BTN2A1: variants seen among roughly 807,000 people sequenced by gnomAD.
The protein encoded by BTN2A1 is butyrophilin, subfamily 2, member A1.
Under a neutral mutation model 34.5 loss-of-function variants are expected in BTN2A1, and 41 were observed. That is an observed-to-expected ratio of 1.19 (90% CI 0.93 to 1.54). The LOEUF is 1.54. Among genes scored for constraint, BTN2A1 ranks in the 40% most tolerant of loss-of-function variants. BTN2A1 has a pLI of 0.00. For missense variants in BTN2A1, 642 were observed against 662.0 expected, an observed-to-expected ratio of 0.97 and a Z score of 0.33; for synonymous variants, 267 against 258.6, an observed-to-expected ratio of 1.03 and a Z score of -0.31.
At chr6:26,475,399 AG>A (rs1396951395) in intron 7 of BTN2A1, among the ~76,000 whole-genome samples, 1 of 152,154 alleles carries the variant, frequency 6.6e-6, no homozygotes, top group African/African-American at 2.4e-5. Flanking sequence ...TTAACAGCAA[AG>A]GCTGAATTAT....
chr6:26,462,767 A>C (rs1763199404), intron 3 of BTN2A1: 1 of 1,272,466 alleles, frequency 7.9e-7, no homozygotes, highest in Non-Finnish European at 1.0e-6. Context: ...CCCGCCTGGC[A>C]GACTTTCGTC....
At chr6:26,476,465 C>T (rs1422241091) in exon 8 of BTN2A1, 2 of 594,418 alleles carry the variant, frequency 3.4e-6, no homozygotes, top group Non-Finnish European at 6.4e-6. Flanking sequence ...ATAGGTCTCT[C>T]TCTCTGGCCT....
chr6:26,463,022 T>A (rs748099549), intron 3 of BTN2A1: 18 of 938,196 alleles, frequency 1.9e-5, no homozygotes, highest in South Asian at 1.1e-4. Context: ...TCCTTTCCTC[T>A]TAGAGAGCTC....
At chr6:26,460,180 G>A (rs1311802229) in intron 3 of BTN2A1, among the ~76,000 whole-genome samples, 4 of 151,700 alleles carry the variant, frequency 2.6e-5, no homozygotes, top group African/African-American at 9.7e-5. Flanking sequence ...ACAGAGTCTT[G>A]CTCTGTTGTA....
intron 3 of BTN2A1, among the ~76,000 whole-genome samples, chr6:26,460,452 A>G (rs935248313): frequency 2.0e-5 from 3 of 152,228 alleles, no homozygotes; most frequent in Admixed American, 1.3e-4. Flanking sequence ...GCAAAATTAT[A>G]TATAGTTCCT....
chr6:26,470,699 T>A (rs1763434550), downstream of BTN2A1, among the ~76,000 whole-genome samples: 4 of 152,230 alleles, frequency 2.6e-5, no homozygotes, highest in Middle Eastern at 3.4e-3. Context: ...TCTGGAACAC[T>A]CTTCTCTTGC....
intron 4 of BTN2A1, 151 bp downstream of exon 4, chr6:26,463,676 T>C: frequency 1.1e-6 from 1 of 945,424 alleles, no homozygotes; most frequent in Non-Finnish European, 1.6e-6. Context: ...GCCTTTCCGC[T>C]TCTCACAAAA....
chr6:26,465,220 G>GC lies in BTN2A1; in HGVS notation c.751dup (p.Leu251ProfsTer36), dbSNP rs748711182. The GC allele has an allele frequency of 3.7e-6, 6 of 1,614,132 alleles. No homozygotes were observed. The Admixed American group carries it at 1.0e-4, about 27-fold the overall frequency. The stretch of plus-strand genomic sequence containing the variant: ...GCCCAGTGTGTCTCCCTGTGCAGTG[G>GC]CCCTGCCTATCATTGTGGTTATTCT... On this transcript the variant is annotated frameshift_variant, in exon 5 of 8. Transcript: ENST00000312541. LOFTEE classifies it high-confidence loss of function.
intron 7 of BTN2A1, among the ~76,000 whole-genome samples, chr6:26,466,698 T>C (rs1274883521): frequency 6.6e-6 from 1 of 152,192 alleles, no homozygotes; most frequent in East Asian, 1.9e-4. Flanking sequence ...CCTCTGCCCA[T>C]AAGCACCACA....
chr6:26,472,695 T>G (rs1212835928), downstream of BTN2A1, among the ~76,000 whole-genome samples: 3 of 152,098 alleles, frequency 2.0e-5, no homozygotes, highest in Non-Finnish European at 2.9e-5. Flanking sequence ...GTGTTATAGC[T>G]TATACCCACG....
chr6:26,468,069 A>AT lies in BTN2A1; in HGVS notation c.1106dup (p.Asp370ArgfsTer28). The AT allele has an allele frequency of 6.2e-7, 1 of 1,614,154 alleles. No individual in the cohort carries two copies. Among genetic ancestry groups the AT allele is most frequent in the Non-Finnish European group, 8.5e-7 (1 of 1,180,016 alleles). On this transcript the variant is annotated frameshift_variant, in exon 8 of 8. Transcript: ENST00000312541. LOFTEE classifies it low-confidence loss of function (END_TRUNC). Reference sequence around the variant, plus strand: ...AGAGCGTGCCTGACAACCCAGAGAGATTCGACAGTCAGCCTTGTGTCCTAG... The same window carrying AT: ...AGAGCGTGCCTGACAACCCAGAGAGATTTCGACAGTCAGCCTTGTGTCCTAG...
intron 2 of BTN2A1, among the ~76,000 whole-genome samples, chr6:26,459,085 C>T (rs1244856904): frequency 1.3e-5 from 2 of 152,086 alleles, no homozygotes; most frequent in Non-Finnish European, 2.9e-5. Context: ...AATTTTAAAT[C>T]TTCATAATCC....
chr6:26,471,695 A>T (rs879551204), downstream of BTN2A1, among the ~76,000 whole-genome samples: 17 of 151,180 alleles, frequency 1.1e-4, no homozygotes, highest in Non-Finnish European at 2.2e-4. Context: ...AGGAAAAGTA[A>T]CTGGAAAGAT....
chr6:26,467,845 G>A (rs1763357044), intron 7 of BTN2A1, 103 bp from the exon 8 acceptor site: 1 of 1,561,194 alleles, frequency 6.4e-7, no homozygotes, highest in Non-Finnish European at 8.6e-7. Context: ...GCCACTACGT[G>A]GGGATCCCTT....
rs552017766 is a variant in BTN2A1, at chr6:26,465,973, C to T, written c.955C>T (p.Arg319Ter). The T allele has an allele frequency of 1.4e-5, 22 of 1,614,184 alleles. No individual in the cohort carries two copies. The highest frequency in any genetic ancestry group is 4.5e-5 in the East Asian group (2 of 44,888). The part of the protein sequence containing the change: ...QVKEKLQEEL[R>*]WRRTFLHAVD... ...TTCAGAGAAACTTCAAGAAGAATTG[C>T]GTAAGTTTAGCCTTTCCTTAACTAC... Residue 319 changes from arginine (R) to a stop codon, truncating the protein, a stop_gained and splice_region_variant, in exon 6 of 8, where the codon CGA becomes TGA. Transcript: ENST00000312541. LOFTEE classifies it low-confidence loss of function (END_TRUNC).
chr6:26,463,557 T>G, intron 4 of BTN2A1, 32 bp downstream of exon 4: 1 of 1,594,978 alleles, frequency 6.3e-7, no homozygotes, highest in Non-Finnish European at 8.6e-7. Context: ...ACTCGTCGAG[T>G]GCATGGGGGA....
At chr6:26,459,989 G>C (rs1264826163) in intron 3 of BTN2A1, among the ~76,000 whole-genome samples, 161 bp downstream of exon 3, 2 of 150,692 alleles carry the variant, frequency 1.3e-5, no homozygotes, top group African/African-American at 4.9e-5. Context: ...CCTTCCTCCT[G>C]CACAAGGGAC....
At chr6:26,474,220 G>A (rs1763500852), downstream of BTN2A1, among the ~76,000 whole-genome samples, 2 of 152,158 alleles carry the variant, frequency 1.3e-5, no homozygotes, top group East Asian at 3.8e-4. Context: ...CTGAGTCTCA[G>A]CCAATCCCAG....
chr6:26,474,428 C>G (rs1323329058), downstream of BTN2A1, among the ~76,000 whole-genome samples: 1 of 152,100 alleles, frequency 6.6e-6, no homozygotes, highest in Non-Finnish European at 1.5e-5. Context: ...CAAATTAAAC[C>G]CTGCTAAATT....
Sources: allele counts gnomAD v4.1 joint callset (sites outside exome capture counted in the v4.1 genomes callset), GRCh38; gene constraint gnomAD v4.1.1; transcripts MANE v1.5; gene names NCBI Gene and HGNC (gene_info 2026-07-23, HGNC 2026-07-21).